The following MYO1H variants were observed in gnomAD, a reference collection of about 807,000 sequenced individuals.
MYO1H encodes myosin IH.
Under a neutral mutation model 149.3 loss-of-function variants are expected in MYO1H, and 118 were observed. That is an observed-to-expected ratio of 0.79 (90% confidence interval 0.68 to 0.92). The LOEUF (loss-of-function observed/expected upper bound fraction) is 0.92. MYO1H is among the 40% of genes least tolerant of loss of function. The pLI, the probability that MYO1H is intolerant of heterozygous loss-of-function variation, is 0.00. For missense variants in MYO1H, 1,212 were observed against 1,280.7 expected (o/e 0.95, Z 0.82); for synonymous variants, 447 against 465.2 (o/e 0.96, Z 0.50).
chr12:109,432,411 C>T (rs150614978), intron 19 of MYO1H, among the ~76,000 whole-genome samples: 2 of 152,238 alleles, frequency 1.3e-5, no homozygotes, highest in African/African-American at 2.4e-5. Flanking sequence ...GCATGAGGCA[C>T]CATACCCGGT....
At chr12:109,409,968 A>G in exon 12 of MYO1H, 1 of 1,507,048 alleles carries the variant, frequency 6.6e-7, no homozygotes, top group East Asian at 2.5e-5. Context: ...TCTAGTTTTG[A>G]ACAGTTCTGT....
upstream of MYO1H, among the ~76,000 whole-genome samples, chr12:109,343,059 AAAT>A (rs1372190049): frequency 2.6e-5 from 4 of 152,104 alleles, no homozygotes; most frequent in Admixed American, 6.5e-5. Flanking sequence ...TCTCTTTAAA[AAAT>A]AATAATAACA....
At chr12:109,365,361 C>G (rs1164032612) in intron 1 of MYO1H, among the ~76,000 whole-genome samples, 2 of 152,236 alleles carry the variant, frequency 1.3e-5, no homozygotes, top group Non-Finnish European at 2.9e-5. Context: ...GGGCCAATTC[C>G]AGTTCCGTCA....
intron 20 of MYO1H, among the ~76,000 whole-genome samples, chr12:109,433,459 C>T (rs1385769530): frequency 2.6e-5 from 4 of 152,188 alleles, no homozygotes; most frequent in Non-Finnish European, 4.4e-5. Context: ...CAGAGACTTT[C>T]GTACACATTG....
the MYO1H span, among the ~76,000 whole-genome samples, chr12:109,336,108 A>G: frequency 1.3e-5 from 2 of 152,200 alleles, no homozygotes; most frequent in Non-Finnish European, 2.9e-5. Flanking sequence ...TAATTTTTAA[A>G]ACCTTCAAGT....
intron 10 of MYO1H, among the ~76,000 whole-genome samples, chr12:109,409,215 CCTT>C (rs1308147964): frequency 6.3e-5 from 8 of 127,116 alleles, no homozygotes; most frequent in Non-Finnish European, 1.1e-4. Context: ...TTCTTCTTCT[CCTT>C]CTTCTTTTTC....
At chr12:109,341,567 A>G in the MYO1H span, among the ~76,000 whole-genome samples, 4 of 152,042 alleles carry the variant, frequency 2.6e-5, no homozygotes, top group Non-Finnish European at 5.9e-5. Flanking sequence ...GGAAAGTTTC[A>G]TATTGGGGAA....
At chr12:109,349,685 G>A (rs1159126373) in intron 1 of MYO1H, among the ~76,000 whole-genome samples, 3 of 150,912 alleles carry the variant, frequency 2.0e-5, no homozygotes, top group Non-Finnish European at 4.4e-5. Context: ...AAGAGGCCGG[G>A]TGCGGTGGCT....
chr12:109,333,084 C>T, the MYO1H span, among the ~76,000 whole-genome samples: 1 of 152,268 alleles, frequency 6.6e-6, no homozygotes, highest in Admixed American at 6.5e-5. Flanking sequence ...CTTTGGGAGG[C>T]TGAGGTGGGT....
intron 1 of MYO1H, among the ~76,000 whole-genome samples, chr12:109,358,846 TAAAAAAAAAA>T (rs541289093): frequency 1.2e-5 from 1 of 84,534 alleles, no homozygotes; most frequent in African/African-American, 5.6e-5. Context: ...CCTGTGGTGT[TAAAAAAAAAA>T]AAAAAAAAAA....
At chr12:109,384,298 T>C (rs1869261409) in intron 1 of MYO1H, among the ~76,000 whole-genome samples, 1 of 152,228 alleles carries the variant, frequency 6.6e-6, no homozygotes, top group Non-Finnish European at 1.5e-5. Context: ...GTTAGGATCC[T>C]CCACAGTTTT....
intron 1 of MYO1H, among the ~76,000 whole-genome samples, chr12:109,370,249 C>A (rs1439796336): frequency 6.6e-6 from 1 of 152,198 alleles, no homozygotes; most frequent in Non-Finnish European, 1.5e-5. Context: ...TAGTGCCATG[C>A]CCTTGTCTAC....
chr12:109,386,638 C>A (rs1351184003), intron 1 of MYO1H, among the ~76,000 whole-genome samples: 1 of 152,208 alleles, frequency 6.6e-6, no homozygotes, highest in Admixed American at 6.5e-5. Context: ...ATTTGTCTAT[C>A]TTCCTTTGTG....
At chr12:109,438,471 G>T in intron 22 of MYO1H, 65 bp from the exon 23 acceptor site, 1 of 1,314,972 alleles carries the variant, frequency 7.6e-7, no homozygotes, top group Non-Finnish European at 1.1e-6. Context: ...AAGCCTTCTG[G>T]AAAAGCCTTC....
chr12:109,417,223 A>G (rs1410713592), intron 15 of MYO1H, among the ~76,000 whole-genome samples: 4 of 152,214 alleles, frequency 2.6e-5, no homozygotes, highest in African/African-American at 9.6e-5. Context: ...AGGAATTGCC[A>G]GGTCATTTTC....
the MYO1H span, among the ~76,000 whole-genome samples, chr12:109,336,121 C>T: frequency 6.6e-6 from 1 of 152,120 alleles, no homozygotes; most frequent in African/African-American, 2.4e-5. Context: ...CTTCAAGTGA[C>T]ACAGCAGTCA....
the MYO1H span, among the ~76,000 whole-genome samples, chr12:109,337,272 T>TTA: frequency 1.3e-5 from 2 of 152,210 alleles, no homozygotes; most frequent in Non-Finnish European, 2.9e-5. Flanking sequence ...TCATATATTC[T>TTA]TATAATTCAA....
chr12:109,353,393 C>CAAAAAAAAAAAAAAAAAAAAAAAAAAAAA (rs55927192), intron 1 of MYO1H, among the ~76,000 whole-genome samples: 1 of 79,298 alleles, frequency 1.3e-5, no homozygotes, highest in Non-Finnish European at 2.4e-5. Flanking sequence ...GACTCCGTCT[C>CAAAAAAAAAAAAAAAAAAAAAAAAAAAAA]AAAAAAAAAA....
chr12:109,441,884 TAA>T (rs35111481), intron 26 of MYO1H, among the ~76,000 whole-genome samples, 176 bp downstream of exon 26: 50,432 of 151,776 alleles, frequency 0.33, 8,566 homozygotes, highest in African/African-American at 0.4. Flanking sequence ...CCATCTCAAC[TAA>T]AATACAAAAT....
Sources: gnomAD v4.1 joint callset for allele counts (sites outside exome capture counted in the v4.1 genomes callset) on GRCh38, gnomAD v4.1.1 for gene constraint, MANE v1.5 for transcripts, NCBI Gene and HGNC (gene_info 2026-07-23, HGNC 2026-07-21) for gene names.